The following PCDH11Y variants were observed in gnomAD, a reference collection of about 807,000 sequenced individuals.
PCDH11Y encodes protocadherin 11 Y-linked, also known as protocadherin-11 Y-linked.
For missense variants in PCDH11Y, 12 were observed against 224.8 expected, an observed-to-expected ratio of 0.05 and a Z score of 6.05; for synonymous variants, 9 against 83.6, an observed-to-expected ratio of 0.11 and a Z score of 4.87.
intron 2 of PCDH11Y, among the ~76,000 whole-genome samples, chrY:5,120,469 G>A: frequency 1.9e-4 from 6 of 32,015 alleles, no homozygotes; most frequent in African/African-American, 3.7e-4. Flanking sequence ...CTTAATTAGA[G>A]CTCACTTGCA....
At chrY:5,451,919 G>T in intron 2 of PCDH11Y, among the ~76,000 whole-genome samples, 1 of 32,493 alleles carries the variant, frequency 3.1e-5, no homozygotes, top group Non-Finnish European at 7.6e-5. Context: ...TAAAAGATGG[G>T]GATTTACTGT....
At chrY:5,108,315 A>G, downstream of PCDH11Y, among the ~76,000 whole-genome samples, 1 of 32,947 alleles carries the variant, frequency 3.0e-5, no homozygotes, top group Admixed American at 2.8e-4. Context: ...TATTTAAGCT[A>G]TTATATTTCT....
chrY:5,375,991 A>G (rs2053197287), intron 2 of PCDH11Y, among the ~76,000 whole-genome samples: 1 of 32,622 alleles, frequency 3.1e-5, no homozygotes, highest in African/African-American at 1.2e-4. Context: ...GGGAAATGTT[A>G]AACAAAGTGA....
At chrY:5,094,524 A>G (rs2052747487) in intron 1 of PCDH11Y, among the ~76,000 whole-genome samples, 3 of 29,540 alleles carry the variant, frequency 1.0e-4, no homozygotes, top group Non-Finnish European at 1.6e-4. Context: ...TCTTTGTAGA[A>G]CTCTAAAAAT....
intron 2 of PCDH11Y, among the ~76,000 whole-genome samples, chrY:5,407,845 CG>C (rs2053241509): frequency 4.3e-5 from 1 of 23,309 alleles, no homozygotes; most frequent in Non-Finnish European, 9.1e-5. Context: ...AACCAGCGGG[CG>C]GAGCTTGCAG....
At chrY:5,521,552 G>C in intron 3 of PCDH11Y, among the ~76,000 whole-genome samples, 3 of 32,162 alleles carry the variant, frequency 9.3e-5, no homozygotes, top group East Asian at 8.1e-4. Context: ...ATATTTATAA[G>C]TGAGACAGGG....
At chrY:5,089,752 G>A in intron 1 of PCDH11Y, among the ~76,000 whole-genome samples, 1 of 33,149 alleles carries the variant, frequency 3.0e-5, no homozygotes, top group African/African-American at 1.2e-4. Flanking sequence ...TTATTATGAC[G>A]TCCATTTAAT....
intron 2 of PCDH11Y, among the ~76,000 whole-genome samples, chrY:5,323,388 G>A (rs2124666063): frequency 6.5e-5 from 2 of 30,812 alleles, no homozygotes; most frequent in East Asian, 1.7e-3. Context: ...GTACAGATGG[G>A]GTTTCTCCGT....
At chrY:5,362,176 A>C in intron 2 of PCDH11Y, among the ~76,000 whole-genome samples, 1 of 32,903 alleles carries the variant, frequency 3.0e-5, no homozygotes. Flanking sequence ...TAGTATATTC[A>C]CAGCATTTTG....
intron 1 of PCDH11Y, among the ~76,000 whole-genome samples, chrY:5,079,602 A>G: frequency 3.2e-5 from 1 of 31,179 alleles, no homozygotes; most frequent in African/African-American, 1.3e-4. Flanking sequence ...TGAGCTCTAC[A>G]TCGGACACTT....
intron 4 of PCDH11Y, among the ~76,000 whole-genome samples, chrY:5,695,076 T>TACACACAC (rs563664942): frequency 4.0e-5 from 1 of 24,842 alleles, no homozygotes; most frequent in Non-Finnish European, 9.8e-5. Context: ...ACCTGGTGTA[T>TACACACAC]ACACACACAC....
chrY:5,097,890 AT>A (rs1382011802), intron 1 of PCDH11Y, among the ~76,000 whole-genome samples: 1 of 33,333 alleles, frequency 3.0e-5, no homozygotes. Context: ...AGTTACATAT[AT>A]TACCATAAAA....
At chrY:5,670,610 T>C (rs2053548168) in intron 4 of PCDH11Y, among the ~76,000 whole-genome samples, 1 of 33,473 alleles carries the variant, frequency 3.0e-5, no homozygotes, top group Non-Finnish European at 7.5e-5. Flanking sequence ...TTTAAATCTT[T>C]TGCCCATTTT....
At chrY:5,021,101 A>G in intron 1 of PCDH11Y, among the ~76,000 whole-genome samples, 1 of 33,813 alleles carries the variant, frequency 3.0e-5, no homozygotes, top group Non-Finnish European at 7.3e-5. Flanking sequence ...CTCCTTTAGT[A>G]CACCCTACAG....
intron 4 of PCDH11Y, among the ~76,000 whole-genome samples, chrY:5,650,676 ATAT>A (rs2053530792): frequency 3.0e-5 from 1 of 33,347 alleles, no homozygotes; most frequent in African/African-American, 1.2e-4. Flanking sequence ...ATATTTTTAC[ATAT>A]TATTAGCTTA....
At chrY:5,226,248 T>A in intron 2 of PCDH11Y, among the ~76,000 whole-genome samples, 17 of 30,646 alleles carry the variant, frequency 5.5e-4, no homozygotes, top group Non-Finnish European at 1.2e-3. Context: ...CGACCTCAGG[T>A]GATCTGCCCA....
At chrY:5,077,948 G>A (rs2052712351) in intron 1 of PCDH11Y, among the ~76,000 whole-genome samples, 1 of 30,957 alleles carries the variant, frequency 3.2e-5, no homozygotes, top group Admixed American at 3.0e-4. Flanking sequence ...AATGTGTGCC[G>A]TGGTGATTTG....
At chrY:5,396,135 C>A (rs1602918905) in intron 2 of PCDH11Y, among the ~76,000 whole-genome samples, 1 of 34,093 alleles carries the variant, frequency 2.9e-5, no homozygotes, top group African/African-American at 1.2e-4. Context: ...GTATTTTTAG[C>A]AGAGATGGGA....
chrY:5,068,012 CA>C (rs144932625), intron 1 of PCDH11Y, among the ~76,000 whole-genome samples: 1 of 2,176 alleles, frequency 4.6e-4, no homozygotes, highest in African/African-American at 1.9e-3. Context: ...GACTCCATCT[CA>C]AAAAAAAAAA....
Sources: gnomAD v4.1 joint callset for allele counts (sites outside exome capture counted in the v4.1 genomes callset) on GRCh38, gnomAD v4.1.1 for gene constraint, MANE v1.5 for transcripts, NCBI Gene and HGNC (gene_info 2026-07-23, HGNC 2026-07-21) for gene names.